Variants in SPATA31H1 observed in about 807,000 individuals in gnomAD.
SPATA31H1 encodes spermatogenesis-associated protein 31H1.
chr2:27,582,529 GCGAGGTCCGCCCCTATTATT>G, the SPATA31H1 span: 1 of 1,589,812 alleles, frequency 6.3e-7, no homozygotes, highest in South Asian at 1.2e-5. Flanking sequence ...ACTCGATGAG[GCGAGGTCCGCCCCTATTATT>G]CATTGTCCTA....
the SPATA31H1 span, chr2:27,580,221 T>A: frequency 3.7e-6 from 6 of 1,614,148 alleles, no homozygotes; most frequent in Non-Finnish European, 5.1e-6. Context: ...CACAATAGAT[T>A]TGCAGTCTGG....
At chr2:27,556,825 C>T in the SPATA31H1 span, among the ~76,000 whole-genome samples, 2 of 116,654 alleles carry the variant, frequency 1.7e-5, no homozygotes, top group Non-Finnish European at 3.4e-5. Flanking sequence ...ACAAAGGTCT[C>T]TGGTTTTCCT....
At chr2:27,577,061 G>T in the SPATA31H1 span, 4 of 1,614,098 alleles carry the variant, frequency 2.5e-6, no homozygotes, top group Non-Finnish European at 3.4e-6. This position sits in a 1 kb window ranked among gnomAD's most constrained non-coding sequence, Gnocchi z 4.5. Context: ...CTTCAGAAAT[G>T]GCACAAGGAT....
At chr2:27,560,552 G>T in the SPATA31H1 span, among the ~76,000 whole-genome samples, 15 of 151,082 alleles carry the variant, frequency 9.9e-5, no homozygotes, top group Non-Finnish European at 1.9e-4. Flanking sequence ...CAGCCTCCCG[G>T]GTTCACGCCA....
the SPATA31H1 span, among the ~76,000 whole-genome samples, chr2:27,563,382 C>CTTTT: frequency 3.1e-5 from 2 of 64,768 alleles, no homozygotes; most frequent in Admixed American, 2.3e-4. Context: ...TCCTCTTCTA[C>CTTTT]TTCTTTTTTT....
chr2:27,563,385 CTTTTTTTTTTTTTTT>C, the SPATA31H1 span, among the ~76,000 whole-genome samples: 2 of 68,720 alleles, frequency 2.9e-5, no homozygotes, highest in Non-Finnish European at 4.9e-5. Flanking sequence ...TCTTCTACTT[CTTTTTTTTTTTTTTT>C]TTTTTTTTTT....
chr2:27,544,724 G>A, the SPATA31H1 span, among the ~76,000 whole-genome samples: 6 of 151,672 alleles, frequency 4.0e-5, no homozygotes, highest in East Asian at 1.9e-4. Flanking sequence ...TAGTAGGGAC[G>A]AGGTTTCACC....
the SPATA31H1 span, chr2:27,567,316 G>A: frequency 1.5e-3 from 840 of 551,230 alleles, 3 homozygotes; most frequent in Admixed American, 4.4e-3. Context: ...TTTGCTTTGC[G>A]GCAACAAACA....
chr2:27,578,256 G>C, the SPATA31H1 span: 1 of 1,614,170 alleles, frequency 6.2e-7, no homozygotes, highest in Admixed American at 1.7e-5. Flanking sequence ...ATGTTTGCAA[G>C]ATGTGAAATC....
chr2:27,576,613 A>G, the SPATA31H1 span: 1 of 1,606,502 alleles, frequency 6.2e-7, no homozygotes, highest in African/African-American at 1.3e-5. Context: ...GGTATAAATT[A>G]TCAAGAGTTG....
chr2:27,577,268 A>G, the SPATA31H1 span: 1 of 1,614,082 alleles, frequency 6.2e-7, no homozygotes, highest in Non-Finnish European at 8.5e-7. This position sits in a 1 kb window ranked among gnomAD's most constrained non-coding sequence, Gnocchi z 4.5. Flanking sequence ...ACCAAATCCT[A>G]GAAACTATGG....
the SPATA31H1 span, chr2:27,567,336 C>A: frequency 0.013 from 6,996 of 533,312 alleles, 365 homozygotes; most frequent in African/African-American, 0.12. Context: ...AGCACCTTTA[C>A]CTTTGAGGAA....
the SPATA31H1 span, among the ~76,000 whole-genome samples, chr2:27,562,581 TTA>T: frequency 1.4e-5 from 2 of 147,892 alleles, no homozygotes; most frequent in Non-Finnish European, 1.5e-5. Context: ...ATATATATAA[TTA>T]TATATATATA....
chr2:27,576,531 G>A, the SPATA31H1 span: 1 of 1,453,134 alleles, frequency 6.9e-7, no homozygotes, highest in Admixed American at 2.2e-5. Flanking sequence ...CGTTAAATCT[G>A]TGGCCTTTGC....
chr2:27,579,049 C>CT, the SPATA31H1 span: 1 of 1,614,084 alleles, frequency 6.2e-7, no homozygotes, highest in Admixed American at 1.7e-5. Context: ...AAAGAGACAA[C>CT]TAAGAGGAAG....
the SPATA31H1 span, among the ~76,000 whole-genome samples, chr2:27,541,408 G>A: frequency 6.6e-6 from 1 of 151,412 alleles, no homozygotes; most frequent in African/African-American, 2.4e-5. Flanking sequence ...GGAAGGGGGA[G>A]AGAGAGAGGG....
At chr2:27,580,317 A>G in the SPATA31H1 span, 1 of 1,614,226 alleles carries the variant, frequency 6.2e-7, no homozygotes, top group East Asian at 2.2e-5. Context: ...GACAAAAACT[A>G]GAGCACCTGG....
chr2:27,577,901 C>T, the SPATA31H1 span: 4 of 1,614,086 alleles, frequency 2.5e-6, no homozygotes, highest in South Asian at 1.1e-5. This position sits in a 1 kb window ranked among gnomAD's most constrained non-coding sequence, Gnocchi z 4.5. Flanking sequence ...CACGGCAGCA[C>T]AGGGAGGTAT....
the SPATA31H1 span, among the ~76,000 whole-genome samples, chr2:27,563,405 T>TG: frequency 7.5e-6 from 1 of 133,384 alleles, no homozygotes; most frequent in African/African-American, 2.9e-5. Context: ...TTTTTTTTTT[T>TG]TTTTTTGAGA....
Sources: allele counts gnomAD v4.1 joint callset (sites outside exome capture counted in the v4.1 genomes callset), GRCh38; gene constraint gnomAD v4.1.1; non-coding constraint Gnocchi (gnomAD v3.1); transcripts MANE v1.5; gene names NCBI Gene and HGNC (gene_info 2026-07-23, HGNC 2026-07-21).